Variants in CPXM2 observed in about 807,000 individuals in gnomAD.
CPXM2 encodes the protein carboxypeptidase X, M14 family member 2, also known as inactive carboxypeptidase-like protein X2.
Under a neutral mutation model 86.1 loss-of-function variants are expected in CPXM2, and 66 were observed. The ratio of observed to expected loss-of-function variants is 0.77; its 90% CI spans 0.63 to 0.94. CPXM2 has a LOEUF of 0.94. Ranked by LOEUF, CPXM2 falls within the 40% of genes least tolerant of loss-of-function variation. The pLI is 0.00. For synonymous variants in CPXM2, 388 were observed against 400.2 expected (o/e 0.97, Z 0.36); for missense variants, 948 against 1,026.3 (o/e 0.92, Z 1.04).
At chr10:123,848,843 G>A (rs777809434) in intron 3 of CPXM2, among the ~76,000 whole-genome samples, 3 of 152,198 alleles carry the variant, frequency 2.0e-5, no homozygotes, top group Non-Finnish European at 4.4e-5. Flanking sequence ...CCCCAGTTAG[G>A]TCAGTTGATC....
chr10:123,770,623 C>G (rs1193216953), intron 8 of CPXM2, among the ~76,000 whole-genome samples: 3 of 152,208 alleles, frequency 2.0e-5, no homozygotes, highest in Non-Finnish European at 4.4e-5. Flanking sequence ...CCCACCTCAG[C>G]CACTTTCTTC....
At chr10:123,799,033 G>A (rs941168129) in intron 5 of CPXM2, 82 bp downstream of exon 5, 2 of 1,491,098 alleles carry the variant, frequency 1.3e-6, no homozygotes, top group African/African-American at 1.4e-5. Context: ...AATCTCCAAA[G>A]AGTTGATCAT....
intron 2 of CPXM2, among the ~76,000 whole-genome samples, chr10:123,936,758 C>T (rs1945724706): frequency 6.6e-6 from 1 of 152,222 alleles, no homozygotes; most frequent in Non-Finnish European, 1.5e-5. Context: ...TCTCTCTCCC[C>T]ATACTCCCAC....
chr10:123,815,172 C>T (rs1847787994), intron 4 of CPXM2, among the ~76,000 whole-genome samples: 1 of 152,136 alleles, frequency 6.6e-6, no homozygotes, highest in African/African-American at 2.4e-5. Context: ...TTGGTTGCTC[C>T]TAAGTTCAGT....
chr10:123,799,541 GT>G (rs1847407981), intron 4 of CPXM2, among the ~76,000 whole-genome samples: 1 of 152,204 alleles, frequency 6.6e-6, no homozygotes, highest in South Asian at 2.1e-4. Context: ...GTACGTAACT[GT>G]TTGCACTGAA....
chr10:123,786,179 A>G lies in CPXM2; in HGVS notation c.890-5924T>C, dbSNP rs112264510. 6.1e-3 allele frequency among the ~76,000 whole-genome samples: 928 copies of G among 152,236 alleles called. 12 individuals are homozygous for G. Among genetic ancestry groups the G allele is most frequent in the African/African-American group, 0.021 (879 of 41,532 alleles). The stretch of plus-strand genomic sequence containing the variant: ...AAAAAGCTTTTACTGACTTCATCCT[A>G]TTGTTCACTGAACACTGCTACATGC... On this transcript the variant is annotated intron_variant, in intron 6 of 13. Transcript: ENST00000241305.
chr10:123,792,936 G>A (rs1847240577), intron 6 of CPXM2, among the ~76,000 whole-genome samples: 3 of 152,290 alleles, frequency 2.0e-5, no homozygotes, highest in East Asian at 3.9e-4. Flanking sequence ...GAAGACAGGT[G>A]GGCAGCCACC....
intron 2 of CPXM2, among the ~76,000 whole-genome samples, chr10:123,924,462 T>C (rs1949432): frequency 0.74 from 112,559 of 152,028 alleles, 41,899 homozygotes; most frequent in East Asian, 0.94. Flanking sequence ...ATAAAGTCTA[T>C]GGTAAAGGAC....
intron 6 of CPXM2, among the ~76,000 whole-genome samples, chr10:123,788,043 G>A (rs1255695329): frequency 6.6e-6 from 1 of 151,972 alleles, no homozygotes; most frequent in Non-Finnish European, 1.5e-5. Flanking sequence ...ACTCTGGGAG[G>A]CTGAGGCGGG....
intron 4 of CPXM2, among the ~76,000 whole-genome samples, chr10:123,815,608 G>A (rs1260316850): frequency 6.6e-6 from 1 of 152,142 alleles, no homozygotes; most frequent in Non-Finnish European, 1.5e-5. Flanking sequence ...TGTCTGAGGA[G>A]ATAAACCCTG....
intron 3 of CPXM2, among the ~76,000 whole-genome samples, chr10:123,862,179 G>A (rs1271569953): frequency 6.6e-6 from 1 of 152,212 alleles, no homozygotes; most frequent in Non-Finnish European, 1.5e-5. Context: ...ACACAATGGA[G>A]GGAGCCACAG....
chr10:123,923,352 G>A lies in CPXM2; in HGVS notation n.174+16125C>T, dbSNP rs887140979. Among the ~76,000 whole-genome samples the A allele has an allele frequency of 8.2e-4, 125 of 151,706 alleles. 2 individuals are homozygous for A. Among genetic ancestry groups the A allele is most frequent in the African/African-American group, 5.3e-4 (22 of 41,218 alleles). ...TCCCAGCACTTTGGGAGGCCGAGGCGGGCGGATCACGAGGTCAGGAGATCG... is the reference window on the plus strand; with the variant it reads ...TCCCAGCACTTTGGGAGGCCGAGGCAGGCGGATCACGAGGTCAGGAGATCG... On this transcript the variant is annotated intron_variant and non_coding_transcript_variant, in intron 2 of 19. Transcript: ENST00000368854.
intron 7 of CPXM2, among the ~76,000 whole-genome samples, chr10:123,778,540 G>A (rs890286641): frequency 1.1e-4 from 17 of 152,222 alleles, no homozygotes; most frequent in Admixed American, 3.9e-4. Flanking sequence ...GTCGCCTAGA[G>A]TAATGAAGCA....
chr10:123,886,470 C>T (rs191211591), intron 1 of CPXM2, among the ~76,000 whole-genome samples: 2 of 152,162 alleles, frequency 1.3e-5, no homozygotes, highest in African/African-American at 4.8e-5. Context: ...TGGTTATTTC[C>T]CCCTGCAACT....
chr10:123,851,897 A>G (rs985942972), intron 3 of CPXM2, among the ~76,000 whole-genome samples: 1 of 152,080 alleles, frequency 6.6e-6, no homozygotes, highest in African/African-American at 2.4e-5. Flanking sequence ...AGAGACACAC[A>G]GGCAGAGGAC....
intron 2 of CPXM2, among the ~76,000 whole-genome samples, chr10:123,921,309 C>A (rs1329184336): frequency 6.6e-6 from 1 of 151,978 alleles, no homozygotes; most frequent in African/African-American, 2.4e-5. Context: ...ATCTAAAGTT[C>A]AAAATTATTA....
chr10:123,798,234 G>T, intron 5 of CPXM2, 108 bp from the exon 6 acceptor site: 13 of 792,512 alleles, frequency 1.6e-5, no homozygotes, highest in South Asian at 2.7e-5. Flanking sequence ...AAAACCTAAT[G>T]TGTGCTGTGC....
chr10:123,770,794 G>T, intron 8 of CPXM2, 122 bp downstream of exon 8: 1 of 1,021,186 alleles, frequency 9.8e-7, no homozygotes, highest in Non-Finnish European at 1.4e-6. Context: ...ACGTGAGACA[G>T]CAGTGGTGTG....
Position 123,904,761 on chromosome 10 carries a change from C to T in CPXM2, n.175-24452G>A, listed in dbSNP as rs533546847. Among the ~76,000 whole-genome samples, 22 of 149,868 alleles carry T rather than the reference C, an allele frequency of 1.5e-4. No individual in the cohort carries two copies. The East Asian group carries it at 3.7e-3, about 25-fold the overall frequency. On this transcript the variant is annotated intron_variant and non_coding_transcript_variant, in intron 2 of 19. Transcript: ENST00000368854. The stretch of plus-strand genomic sequence containing the variant: ...AGTATCACACTCTTGTGCATTCACA[C>T]ATCCAGCACTCCTACCTTCTCATCA...
Sources: gnomAD v4.1 joint callset for allele counts (sites outside exome capture counted in the v4.1 genomes callset) on GRCh38, gnomAD v4.1.1 for gene constraint, MANE v1.5 for transcripts, NCBI Gene and HGNC (gene_info 2026-07-23, HGNC 2026-07-21) for gene names.